The following RSRC1 variants were observed in gnomAD, a reference collection of about 807,000 sequenced individuals.
RSRC1 encodes the protein arginine and serine rich coiled-coil 1, also known as serine/Arginine-related protein 53.
RSRC1 carries 39 observed loss-of-function variants against 49.1 expected under a neutral mutation model. The observed-to-expected ratio is 0.79, with a 90% CI of 0.61 to 1.04. The LOEUF is 1.04. RSRC1 is among the 50% of genes least tolerant of loss of function. The pLI is 0.00. For missense variants in RSRC1, 388 were observed against 402.4 expected, an observed-to-expected ratio of 0.96 and a Z score of 0.31; for synonymous variants, 143 against 130.8, an observed-to-expected ratio of 1.09 and a Z score of -0.63.
intron 6 of RSRC1, among the ~76,000 whole-genome samples, chr3:158,444,446 G>T (rs1022314769): frequency 6.6e-5 from 10 of 152,128 alleles, no homozygotes; most frequent in Non-Finnish European, 1.3e-4. Context: ...GGGAAAACTG[G>T]CTAGCCATAT....
chr3:158,126,569 A>G (rs922838300), intron 3 of RSRC1, among the ~76,000 whole-genome samples: 2 of 152,084 alleles, frequency 1.3e-5, no homozygotes, highest in Non-Finnish European at 2.9e-5. Flanking sequence ...TATTTTTTAT[A>G]CTGTCATCTT....
chr3:158,153,234 A>T (rs1717661186), intron 3 of RSRC1, among the ~76,000 whole-genome samples: 1 of 152,104 alleles, frequency 6.6e-6, no homozygotes, highest in Non-Finnish European at 1.5e-5. Context: ...TCTTCTAGAG[A>T]TTCTCTTAAC....
At chr3:158,145,280 C>A (rs961213132) in intron 3 of RSRC1, among the ~76,000 whole-genome samples, 1 of 152,188 alleles carries the variant, frequency 6.6e-6, no homozygotes, top group African/African-American at 2.4e-5. Flanking sequence ...AGGTTTAAGT[C>A]TTTAATCCAT....
chr3:158,118,781 G>C (rs1715047750), intron 1 of RSRC1, among the ~76,000 whole-genome samples: 1 of 152,296 alleles, frequency 6.6e-6, no homozygotes, highest in African/African-American at 2.4e-5. Context: ...GTTGTAACCT[G>C]TATTTAAGGT....
chr3:158,175,110 A>C (rs1719123355), intron 3 of RSRC1, among the ~76,000 whole-genome samples: 1 of 152,054 alleles, frequency 6.6e-6, no homozygotes, highest in African/African-American at 2.4e-5. Flanking sequence ...GGCCATGTGG[A>C]TAATCTCTTT....
At chr3:158,189,774 CTT>C (rs907272721) in intron 3 of RSRC1, among the ~76,000 whole-genome samples, 13 of 151,600 alleles carry the variant, frequency 8.6e-5, no homozygotes, top group African/African-American at 2.9e-4. Flanking sequence ...CCATCTTATT[CTT>C]TGTTTTCTAT....
chr3:158,118,253 A>C (rs1333711345), intron 1 of RSRC1, among the ~76,000 whole-genome samples: 3 of 151,942 alleles, frequency 2.0e-5, no homozygotes, highest in Non-Finnish European at 4.4e-5. Flanking sequence ...CCTGGCCTTA[A>C]TTTTAAATTT....
intron 7 of RSRC1, among the ~76,000 whole-genome samples, chr3:158,536,102 T>A (rs1712697206): frequency 6.6e-6 from 1 of 151,342 alleles, no homozygotes; most frequent in Non-Finnish European, 1.5e-5. Flanking sequence ...TCCCCAATGA[T>A]CAATCTTAAC....
At chr3:158,475,503 A>G (rs1023683240) in intron 7 of RSRC1, among the ~76,000 whole-genome samples, 19 of 152,142 alleles carry the variant, frequency 1.2e-4, no homozygotes, top group African/African-American at 4.6e-4. Flanking sequence ...ATTTTCCCCA[A>G]AAGTATATGC....
intron 4 of RSRC1, among the ~76,000 whole-genome samples, chr3:158,222,945 GCTC>G (rs1178712658): frequency 6.6e-6 from 1 of 151,416 alleles, no homozygotes; most frequent in African/African-American, 2.4e-5. Flanking sequence ...CCATTTCTCT[GCTC>G]CTCATTTCAG....
chr3:158,529,214 GTATATA>G (rs10596761), intron 7 of RSRC1, among the ~76,000 whole-genome samples: 6 of 143,116 alleles, frequency 4.2e-5, no homozygotes, highest in African/African-American at 1.1e-4. Flanking sequence ...ATGTGTGTGT[GTATATA>G]TATATATATA....
intron 3 of RSRC1, among the ~76,000 whole-genome samples, chr3:158,139,863 C>T (rs2108194360): frequency 6.6e-6 from 1 of 152,210 alleles, no homozygotes; most frequent in African/African-American, 2.4e-5. Context: ...TTGAACTGGT[C>T]TCAAGTAATC....
intron 6 of RSRC1, among the ~76,000 whole-genome samples, chr3:158,417,118 A>G (rs1429941429): frequency 6.6e-6 from 1 of 152,094 alleles, no homozygotes; most frequent in Non-Finnish European, 1.5e-5. Flanking sequence ...GGCTGCATCT[A>G]TAACATATCA....
At chr3:158,459,473 T>C (rs1737508136) in intron 6 of RSRC1, among the ~76,000 whole-genome samples, 1 of 152,104 alleles carries the variant, frequency 6.6e-6, no homozygotes, top group South Asian at 2.1e-4. Context: ...ATATTGAAGA[T>C]GGTTGTAAGG....
chr3:158,490,757 G>A (rs1739053693), intron 7 of RSRC1, among the ~76,000 whole-genome samples: 1 of 152,198 alleles, frequency 6.6e-6, no homozygotes, highest in African/African-American at 2.4e-5. Flanking sequence ...TGGAGCCCAA[G>A]AGATGGAAAC....
chr3:158,335,584 T>C (rs1373648044), intron 5 of RSRC1, among the ~76,000 whole-genome samples: 1 of 152,184 alleles, frequency 6.6e-6, no homozygotes, highest in Admixed American at 6.5e-5. Context: ...AAGATAACTT[T>C]AGCAGCTGTA....
chr3:158,447,036 G>T (rs1160383936), intron 6 of RSRC1, among the ~76,000 whole-genome samples: 1 of 152,026 alleles, frequency 6.6e-6, no homozygotes, highest in Non-Finnish European at 1.5e-5. Flanking sequence ...ATCCCAACTA[G>T]TAGGGCCATG....
intron 6 of RSRC1, among the ~76,000 whole-genome samples, chr3:158,365,610 A>T (rs557624863): frequency 6.6e-6 from 1 of 152,178 alleles, no homozygotes; most frequent in Admixed American, 6.5e-5. Flanking sequence ...GTAAACATAC[A>T]TGTGCATGTG....
intron 4 of RSRC1, among the ~76,000 whole-genome samples, chr3:158,283,575 G>A (rs1726308717): frequency 6.6e-6 from 1 of 151,398 alleles, no homozygotes; most frequent in Non-Finnish European, 1.5e-5. Flanking sequence ...AATTTTTAAT[G>A]GTGATATCGT....
Sources: allele counts gnomAD v4.1 joint callset (sites outside exome capture counted in the v4.1 genomes callset), GRCh38; gene constraint gnomAD v4.1.1; transcripts MANE v1.5; gene names NCBI Gene and HGNC (gene_info 2026-07-23, HGNC 2026-07-21).